Variants in ZRANB1 observed in about 807,000 individuals in gnomAD.
The protein encoded by ZRANB1 is zinc finger RANBP2-type containing 1.
A neutral mutation model predicts 80.5 loss-of-function variants in ZRANB1; 16 were observed. That is an observed-to-expected ratio of 0.20 (90% CI 0.13 to 0.30). ZRANB1 has a LOEUF of 0.30. ZRANB1 is among the 10% of genes least tolerant of loss of function. The pLI is 1.00. For synonymous variants in ZRANB1, 291 were observed against 293.1 expected (o/e 0.99, Z 0.07); for missense variants, 576 against 862.6 (o/e 0.67, Z 4.16).
chr10:124,957,695 T>G (rs1175546642), intron 1 of ZRANB1, among the ~76,000 whole-genome samples: 1 of 152,142 alleles, frequency 6.6e-6, no homozygotes, highest in East Asian at 1.9e-4. Flanking sequence ...GTCTTTAAGG[T>G]TCATCTGTGT....
upstream of ZRANB1, chr10:124,940,406 C>A: frequency 1.2e-6 from 1 of 830,090 alleles, no homozygotes; most frequent in Non-Finnish European, 1.7e-6. Flanking sequence ...AACCACTTAT[C>A]ACGTTTTGCA....
At chr10:124,959,788 C>T (rs984953014) in intron 1 of ZRANB1, among the ~76,000 whole-genome samples, 1 of 152,028 alleles carries the variant, frequency 6.6e-6, no homozygotes, top group African/African-American at 2.4e-5. Flanking sequence ...AAGGGAATGC[C>T]GTAATTAAAT....
intron 1 of ZRANB1, among the ~76,000 whole-genome samples, chr10:124,959,043 C>G (rs532555601): frequency 6.6e-6 from 1 of 152,306 alleles, no homozygotes; most frequent in South Asian, 2.1e-4. Flanking sequence ...CATTCAGGTA[C>G]TCCCTGAGTG....
the ZRANB1 span, among the ~76,000 whole-genome samples, chr10:124,928,188 A>G: frequency 6.6e-6 from 1 of 152,188 alleles, no homozygotes; most frequent in Admixed American, 6.5e-5. Flanking sequence ...TAAGAAGGGG[A>G]ATAGGAGTAG....
rs754723039 is a variant in ZRANB1, at chr10:124,943,246, A to C, written c.753A>C (p.Lys251Asn). ...AGGAACTTGAAGTAGACTTTAAAAAACTAAAGCAAATTAAAAACAGGATGA... is the reference window on the plus strand; with the variant it reads ...AGGAACTTGAAGTAGACTTTAAAAACCTAAAGCAAATTAAAAACAGGATGA... ...SKEELEVDFK[K>N]LKQIKNRMKK... is the part of the protein sequence containing the mutation. The change falls in exon 1 of 9, where the codon AAA becomes AAC. Residue 251 changes from lysine (K) to asparagine (N), a missense_variant. Coordinates refer to ENST00000359653, the MANE Select transcript of ZRANB1 (RefSeq NM_017580.3). The C allele has an allele frequency of 6.2e-7, 1 of 1,614,158 alleles. No homozygotes were observed.
the ZRANB1 span, among the ~76,000 whole-genome samples, chr10:124,918,575 G>A: frequency 6.6e-6 from 1 of 152,174 alleles, no homozygotes; most frequent in South Asian, 2.1e-4. Context: ...TATCACTTGT[G>A]CAGCATCCAG....
the ZRANB1 span, among the ~76,000 whole-genome samples, chr10:124,921,478 G>A: frequency 2.0e-5 from 3 of 152,096 alleles, no homozygotes; most frequent in African/African-American, 7.2e-5. Flanking sequence ...TTGGAAAATA[G>A]GTGTGTGTGT....
At chr10:124,953,148 T>C (rs953161566) in intron 1 of ZRANB1, among the ~76,000 whole-genome samples, 1 of 147,370 alleles carries the variant, frequency 6.8e-6, no homozygotes, top group Non-Finnish European at 1.5e-5. Flanking sequence ...GCCAGGCTGG[T>C]CTCAAATTCC....
At chr10:124,952,725 C>T (rs1428287972) in intron 1 of ZRANB1, among the ~76,000 whole-genome samples, 1 of 151,954 alleles carries the variant, frequency 6.6e-6, no homozygotes, top group African/African-American at 2.4e-5. Flanking sequence ...ATTCTCCTGC[C>T]TCAACCTCTC....
chr10:124,970,183 T>C (rs572081672), intron 2 of ZRANB1, among the ~76,000 whole-genome samples: 4 of 152,346 alleles, frequency 2.6e-5, no homozygotes, highest in South Asian at 2.1e-4. Context: ...AGTTAAGATA[T>C]AGTGAGAATT....
Position 124,985,043 on chromosome 10 carries a change from T to TA in ZRANB1, c.*54dup. ...CAAGGCATCAGATCTGTAATGACCC[T>TA]AAAGTTAGTGTGGTGCTCCAAGCAG... On this transcript the variant is annotated 3_prime_UTR_variant, in exon 9 of 9. Transcript: ENST00000359653. The TA allele has an allele frequency of 7.1e-7, 1 of 1,411,770 alleles. No homozygotes were observed. Among genetic ancestry groups the TA allele is most frequent in the African/African-American group, 1.4e-5 (1 of 70,212 alleles). The allele number at this position is 1,411,770 out of a possible 1,614,324, so 87.5% of individuals were successfully genotyped here.
At chr10:124,921,248 A>G in the ZRANB1 span, among the ~76,000 whole-genome samples, 2 of 152,236 alleles carry the variant, frequency 1.3e-5, no homozygotes, top group Non-Finnish European at 2.9e-5. Context: ...ATTTAGCATC[A>G]TGGGAAGGAG....
chr10:124,932,174 A>G, the ZRANB1 span, among the ~76,000 whole-genome samples: 1 of 151,662 alleles, frequency 6.6e-6, no homozygotes, highest in Non-Finnish European at 1.5e-5. Flanking sequence ...ATAATATTCC[A>G]TTGTCTGGAT....
At chr10:124,920,953 T>A in the ZRANB1 span, among the ~76,000 whole-genome samples, 1 of 152,140 alleles carries the variant, frequency 6.6e-6, no homozygotes, top group African/African-American at 2.4e-5. Context: ...GGATATGCAG[T>A]TTGTACTGTA....
At chr10:124,955,527 C>T (rs549820061) in intron 1 of ZRANB1, among the ~76,000 whole-genome samples, 121 of 152,212 alleles carry the variant, frequency 7.9e-4, no homozygotes, top group African/African-American at 2.6e-3. Flanking sequence ...GCTAACTTTG[C>T]GTGATACTCT....
chr10:124,953,387 G>C (rs1433951329), intron 1 of ZRANB1, among the ~76,000 whole-genome samples: 2 of 152,100 alleles, frequency 1.3e-5, no homozygotes, highest in Non-Finnish European at 2.9e-5. Flanking sequence ...AAATGGTAAC[G>C]GGTTTCTTTC....
chr10:124,957,485 A>G (rs1951696121), intron 1 of ZRANB1, among the ~76,000 whole-genome samples: 1 of 152,094 alleles, frequency 6.6e-6, no homozygotes, highest in African/African-American at 2.4e-5. Flanking sequence ...TTGTTGTGTA[A>G]CCATTTCTAC....
chr10:124,981,028 C>G (rs1951928083), intron 5 of ZRANB1, among the ~76,000 whole-genome samples: 1 of 152,170 alleles, frequency 6.6e-6, no homozygotes, highest in Non-Finnish European at 1.5e-5. Context: ...GATTAAATGT[C>G]TGTCTGCATT....
At chr10:124,976,471 A>C (rs1951876734) in intron 5 of ZRANB1, among the ~76,000 whole-genome samples, 1 of 151,952 alleles carries the variant, frequency 6.6e-6, no homozygotes, top group South Asian at 2.1e-4. Flanking sequence ...CTGCCCTGTA[A>C]GATGGAAAGC....
Sources: gnomAD v4.1 joint callset for allele counts (sites outside exome capture counted in the v4.1 genomes callset) on GRCh38, gnomAD v4.1.1 for gene constraint, MANE v1.5 for transcripts, NCBI Gene and HGNC (gene_info 2026-07-23, HGNC 2026-07-21) for gene names.